ATAD2B: variants seen among roughly 807,000 people sequenced by gnomAD.
ATAD2B encodes the protein ATPase family AAA domain-containing protein 2B.
A neutral mutation model predicts 167.6 loss-of-function variants in ATAD2B; 40 were observed. The observed-to-expected ratio is 0.24, with a 90% CI of 0.19 to 0.31. The LOEUF is 0.31. Among genes scored for constraint, ATAD2B ranks in the 10% least tolerant of loss-of-function variants. The pLI is 1.00. For synonymous variants in ATAD2B, 579 were observed against 596.5 expected (o/e 0.97, Z 0.43); for missense variants, 1,242 against 1,757.2 (o/e 0.71, Z 5.24).
chr2:23,752,407 ATGAG>A (rs143162308), intron 27 of ATAD2B, among the ~76,000 whole-genome samples: 18,094 of 151,304 alleles, frequency 0.12, 1,151 homozygotes, highest in Middle Eastern at 0.21. Flanking sequence ...GCAACACTTA[ATGAG>A]TAAGTTATTA....
intron 22 of ATAD2B, among the ~76,000 whole-genome samples, chr2:23,780,509 G>A (rs1419891327): frequency 6.6e-5 from 10 of 152,070 alleles, no homozygotes; most frequent in Admixed American, 6.5e-4. Flanking sequence ...GGTTGAAACT[G>A]AAGCAAAAAA....
At chr2:23,876,387 T>C (rs1004557422) in intron 7 of ATAD2B, among the ~76,000 whole-genome samples, 5 of 151,674 alleles carry the variant, frequency 3.3e-5, no homozygotes, top group African/African-American at 1.2e-4. Context: ...CTGCAAACTC[T>C]GCCTCACAGA....
At chr2:23,907,392 C>T (rs1361157567) in intron 1 of ATAD2B, among the ~76,000 whole-genome samples, 1 of 151,802 alleles carries the variant, frequency 6.6e-6, no homozygotes, top group East Asian at 1.9e-4. Context: ...AATAAAATAC[C>T]TAGGAATCCA....
intron 22 of ATAD2B, among the ~76,000 whole-genome samples, chr2:23,772,633 A>C (rs1678502907): frequency 6.6e-6 from 1 of 152,144 alleles, no homozygotes; most frequent in Non-Finnish European, 1.5e-5. Flanking sequence ...AAAAAGAATA[A>C]ATGAAGAAAA....
At chr2:23,890,323 G>A (rs911254715) in intron 2 of ATAD2B, among the ~76,000 whole-genome samples, 14 of 151,658 alleles carry the variant, frequency 9.2e-5, no homozygotes, top group South Asian at 4.2e-4. Context: ...TAGCCCCCCC[G>A]CCTTTCCTCT....
intron 13 of ATAD2B, among the ~76,000 whole-genome samples, chr2:23,843,557 G>T (rs1481649676): frequency 6.6e-6 from 1 of 152,248 alleles, no homozygotes; most frequent in African/African-American, 2.4e-5. Context: ...TCACTAAGCG[G>T]AAGAGTCGGA....
intron 1 of ATAD2B, among the ~76,000 whole-genome samples, chr2:23,925,725 T>A (rs1179696110): frequency 6.6e-6 from 1 of 152,198 alleles, no homozygotes; most frequent in Non-Finnish European, 1.5e-5. Context: ...ATCACCAGCG[T>A]CTTTAAATGT....
At position 23,751,966 on chromosome 2, in the gene ATAD2B, T is replaced by G; in HGVS notation, c.*80A>C. The G allele has an allele frequency of 2.8e-6, 3 of 1,087,756 alleles. No homozygotes were observed. The highest frequency in any genetic ancestry group is 4.1e-6 in the Non-Finnish European group (3 of 734,558). The allele number at this position is 1,087,756 out of a possible 1,614,324, so 67.4% of individuals were successfully genotyped here. ...ACACCAAGGCTCTGCACATAATTGG[T>G]GCAATTTGAAATTGAATGGCTCAGA... On this transcript the variant is annotated 3_prime_UTR_variant, in exon 28 of 28. Coordinates refer to ENST00000238789, the MANE Select transcript of ATAD2B (RefSeq NM_017552.4).
At chr2:23,752,197 T>A in intron 27 of ATAD2B, 110 bp from the exon 28 acceptor site, 1 of 775,024 alleles carries the variant, frequency 1.3e-6, no homozygotes. Flanking sequence ...AGATACAGGT[T>A]AAACTTTGAA....
chr2:23,744,741 CAAAT>C (rs979236465), downstream of ATAD2B, among the ~76,000 whole-genome samples: 1 of 152,088 alleles, frequency 6.6e-6, no homozygotes, highest in African/African-American at 2.4e-5. Flanking sequence ...ATTACCTTCT[CAAAT>C]AAAATAATTT....
intron 18 of ATAD2B, among the ~76,000 whole-genome samples, chr2:23,804,870 T>C (rs1684112118): frequency 6.6e-6 from 1 of 152,210 alleles, no homozygotes; most frequent in South Asian, 2.1e-4. Flanking sequence ...CTGGGCACAG[T>C]GGCTCATGAC....
At chr2:23,705,027 C>G in the ATAD2B span, among the ~76,000 whole-genome samples, 5 of 152,236 alleles carry the variant, frequency 3.3e-5, no homozygotes, top group Non-Finnish European at 5.9e-5. Flanking sequence ...CAGACAACTG[C>G]TAAGCTCCTG....
chr2:23,870,025 T>G (rs1326914583), intron 8 of ATAD2B, among the ~76,000 whole-genome samples: 2 of 151,814 alleles, frequency 1.3e-5, no homozygotes, highest in Non-Finnish European at 2.9e-5. Flanking sequence ...CTGGCCAACA[T>G]GGTGAAACTC....
intron 1 of ATAD2B, among the ~76,000 whole-genome samples, chr2:23,924,890 C>CG (rs1704486750): frequency 6.6e-6 from 1 of 152,062 alleles, no homozygotes; most frequent in Admixed American, 6.6e-5. Flanking sequence ...CCTTATTCCT[C>CG]GGGGGGTGAG....
Position 23,765,549 on chromosome 2 carries a change from A to G in ATAD2B, c.3213T>C (p.Phe1071=), listed in dbSNP as rs748401809. The G allele has an allele frequency of 6.3e-7, 1 of 1,581,750 alleles. No homozygotes were observed. Among genetic ancestry groups the G allele is most frequent in the Admixed American group, 1.8e-5 (1 of 56,682 alleles). Residue 1071 remains phenylalanine (F), a synonymous_variant, in exon 23 of 28, where the codon TTT becomes TTC. Transcript: ENST00000238789. ...CCTTAATTTCCTCACAAAGTTTATT[A>G]AATTCTGGATCTAATTCAGCTGCAA... The part of the protein sequence containing the change: ...AIIAAELDPE[F]NKLCEEIKEA...
intron 17 of ATAD2B, among the ~76,000 whole-genome samples, chr2:23,816,291 G>A (rs1394304281): frequency 6.6e-6 from 1 of 152,150 alleles, no homozygotes; most frequent in African/African-American, 2.4e-5. Flanking sequence ...AGCAATTGCA[G>A]TTCTTAAAAT....
intron 13 of ATAD2B, among the ~76,000 whole-genome samples, chr2:23,839,627 T>C (rs1690563699): frequency 6.6e-6 from 1 of 152,140 alleles, no homozygotes; most frequent in African/African-American, 2.4e-5. Context: ...TATATCTTCC[T>C]GATGTAAAGC....
At chr2:23,807,727 A>C (rs1488996299) in intron 18 of ATAD2B, among the ~76,000 whole-genome samples, 1 of 150,434 alleles carries the variant, frequency 6.6e-6, no homozygotes, top group Non-Finnish European at 1.5e-5. Context: ...GACGCAGGAG[A>C]ATCGCTTGAA....
chr2:23,806,092 C>G (rs1199618196), intron 18 of ATAD2B: 1 of 152,038 alleles, frequency 6.6e-6, no homozygotes, highest in Non-Finnish European at 1.5e-5. Flanking sequence ...TAATCAAATT[C>G]CTTCATATCT....
Sources: allele counts gnomAD v4.1 joint callset (sites outside exome capture counted in the v4.1 genomes callset), GRCh38; gene constraint gnomAD v4.1.1; transcripts MANE v1.5; gene names NCBI Gene and HGNC (gene_info 2026-07-23, HGNC 2026-07-21).